KLHL1: variants seen among roughly 807,000 people sequenced by gnomAD.
KLHL1 encodes kelch-like protein 1.
KLHL1 carries 47 observed loss-of-function variants against 77.7 expected under a neutral mutation model. The observed-to-expected ratio is 0.60, with a 90% CI of 0.48 to 0.77. The LOEUF (loss-of-function observed/expected upper bound fraction) is 0.77. KLHL1 is among the 30% of genes least tolerant of loss of function. The probability of loss-of-function intolerance (pLI) is 0.00; values close to 1 mark genes in which losing one functional copy is unlikely to be tolerated. For missense variants in KLHL1, 925 were observed against 910.8 expected (o/e 1.02, Z -0.20); for synonymous variants, 360 against 325.2 (o/e 1.11, Z -1.15).
chr13:69,820,555 G>A (rs564589979), intron 6 of KLHL1, among the ~76,000 whole-genome samples: 29 of 152,268 alleles, frequency 1.9e-4, no homozygotes, highest in Admixed American at 3.3e-4. Flanking sequence ...AGGCATAAGC[G>A]TAATATAAAA....
intron 5 of KLHL1, among the ~76,000 whole-genome samples, chr13:69,870,816 C>T (rs558880067): frequency 9.9e-5 from 15 of 151,808 alleles, no homozygotes; most frequent in African/African-American, 2.2e-4. Context: ...ACTCTATGTC[C>T]GGCACCTGGG....
Position 69,800,762 on chromosome 13 carries a change from T to A in KLHL1, c.1415-3800A>T, listed in dbSNP as rs1243765147. ...GTTTCTAAGACTGTATGTATTTCCC[T>A]GGGTATTTTCTGAGTCAGAAGAAAA... On this transcript the variant is annotated intron_variant, in intron 6 of 10. Transcript: ENST00000377844. Among the ~76,000 whole-genome samples, 3 of 152,170 alleles carry A rather than the reference T, an allele frequency of 2.0e-5. No homozygotes were observed. In the South Asian group the frequency reaches 6.2e-4, roughly 31 times the overall value.
intron 1 of KLHL1, among the ~76,000 whole-genome samples, chr13:70,073,210 A>G (rs1340895153): frequency 6.6e-6 from 1 of 152,178 alleles, no homozygotes; most frequent in Admixed American, 6.5e-5. Context: ...CATATACACC[A>G]TAGAATACTA....
chr13:69,917,847 A>G (rs1882498181), intron 4 of KLHL1, among the ~76,000 whole-genome samples: 1 of 152,082 alleles, frequency 6.6e-6, no homozygotes, highest in Non-Finnish European at 1.5e-5. Flanking sequence ...AAAACACTGT[A>G]TTTTCATTCA....
At position 69,796,749 on chromosome 13, in the gene KLHL1, C is replaced by G; in HGVS notation, c.1628G>C (p.Arg543Thr). 1 of 1,608,686 alleles carries G rather than the reference C, an allele frequency of 6.2e-7. No individual in the cohort carries two copies. The highest frequency in any genetic ancestry group is 8.5e-7 in the Non-Finnish European group (1 of 1,175,020). The change falls in exon 7 of 11, where the codon AGA (arginine) becomes ACA (threonine). Residue 543 changes from arginine (R) to threonine (T), a missense_variant. By Grantham distance (71) the Arg-to-Thr change is moderately conservative (BLOSUM62 -1). Transcript: ENST00000377844. ...AAGTAAGATCTTACCTAGACCATGT[C>G]TGTGTGTTGACATTGGTGGTAAGAC... ...WTVLPPMSTH[R>T]HGLGVTVLEG...
rs565997244 is a variant in KLHL1, at chr13:69,944,519, C to T, written c.818-4283G>A. Among the ~76,000 whole-genome samples the T allele has an allele frequency of 5.3e-5, 8 of 152,248 alleles. No homozygotes were observed. In the South Asian group the frequency reaches 1.0e-3, roughly 20 times the overall value. On this transcript the variant is annotated intron_variant, in intron 3 of 10. Transcript: ENST00000377844. ...TATCCCAGTTCATCACTGAACGGGG[C>T]GTTAGTCTTGGGGATCACCCAACAT...
At chr13:69,760,362 A>ATTG (rs1157843690) in intron 7 of KLHL1, among the ~76,000 whole-genome samples, 5 of 151,546 alleles carry the variant, frequency 3.3e-5, no homozygotes, top group Non-Finnish European at 7.4e-5. Context: ...TATTATTATT[A>ATTG]TTATTATTTT....
chr13:69,914,325 G>T (rs953499501), intron 4 of KLHL1, among the ~76,000 whole-genome samples: 1 of 152,014 alleles, frequency 6.6e-6, no homozygotes, highest in Non-Finnish European at 1.5e-5. Context: ...TCTAAATTAT[G>T]GTATATAACT....
At chr13:69,915,856 C>T (rs1353676897) in intron 4 of KLHL1, among the ~76,000 whole-genome samples, 6 of 151,750 alleles carry the variant, frequency 4.0e-5, no homozygotes, top group Non-Finnish European at 5.9e-5. Context: ...TGACAAAGGG[C>T]TAATATCCAG....
intron 10 of KLHL1, among the ~76,000 whole-genome samples, chr13:69,702,378 CAA>C (rs1205696565): frequency 7.9e-5 from 12 of 151,526 alleles, no homozygotes; most frequent in Admixed American, 4.6e-4. Flanking sequence ...ATATTAAAAA[CAA>C]TAATTTTTAC....
chr13:69,756,222 G>T (rs540535213), intron 7 of KLHL1, among the ~76,000 whole-genome samples: 1 of 152,248 alleles, frequency 6.6e-6, no homozygotes, highest in Admixed American at 6.5e-5. Flanking sequence ...ATATGTTGAG[G>T]TTGGATAACT....
intron 2 of KLHL1, among the ~76,000 whole-genome samples, chr13:69,973,017 G>C (rs1884436301): frequency 6.6e-6 from 1 of 151,876 alleles, no homozygotes; most frequent in African/African-American, 2.4e-5. Flanking sequence ...TTGTGAGAAA[G>C]TGATATTCCT....
chr13:69,711,727 G>A (rs547535941), intron 9 of KLHL1, among the ~76,000 whole-genome samples: 5 of 152,096 alleles, frequency 3.3e-5, no homozygotes, highest in East Asian at 3.9e-4. Context: ...ATTAGCAATG[G>A]GATTTCTGGG....
In KLHL1 at chr13:69,893,523, A is replaced by C. The variant is rs896506066; in HGVS notation, c.1015-11028T>G. Among the ~76,000 whole-genome samples the C allele has an allele frequency of 2.6e-5, 4 of 152,176 alleles. No homozygotes were observed. In the East Asian group the frequency reaches 5.8e-4, roughly 22 times the overall value. On this transcript the variant is annotated intron_variant, in intron 4 of 10. Coordinates refer to ENST00000377844, the MANE Select transcript of KLHL1 (RefSeq NM_020866.3). ...TGCTGGGATTACAGGCGTGAGCTAC[A>C]TAAATTTTTAAGAAATATTTCTCGA... is the stretch of plus-strand genomic sequence containing the variant.
intron 1 of KLHL1, among the ~76,000 whole-genome samples, chr13:70,080,291 A>G (rs1467856717): frequency 6.6e-6 from 1 of 152,228 alleles, no homozygotes; most frequent in Admixed American, 6.5e-5. Context: ...GCAAGGGCTC[A>G]GAGAGTGCAG....
intron 5 of KLHL1, among the ~76,000 whole-genome samples, chr13:69,880,048 G>T (rs1880927360): frequency 6.6e-6 from 1 of 152,112 alleles, no homozygotes; most frequent in Admixed American, 6.6e-5. Flanking sequence ...TGATCTTCCA[G>T]GTTAGAGAGC....
chr13:69,962,559 C>T (rs1884097453), intron 2 of KLHL1, among the ~76,000 whole-genome samples: 1 of 151,882 alleles, frequency 6.6e-6, no homozygotes, highest in Admixed American at 6.6e-5. Context: ...CAGTATGATG[C>T]CTGCTGAATA....
intron 5 of KLHL1, among the ~76,000 whole-genome samples, chr13:69,849,294 T>G (rs1879593545): frequency 6.6e-6 from 1 of 151,586 alleles, no homozygotes; most frequent in Non-Finnish European, 1.5e-5. Flanking sequence ...TGTTATTGTT[T>G]GTAAGACATT....
chr13:69,968,446 C>A (rs1015417154), intron 2 of KLHL1, among the ~76,000 whole-genome samples: 1 of 148,734 alleles, frequency 6.7e-6, no homozygotes, highest in Non-Finnish European at 1.5e-5. Flanking sequence ...GTCTAGAATC[C>A]AACCTGCAAT....
Sources: gnomAD v4.1 joint callset for allele counts (sites outside exome capture counted in the v4.1 genomes callset) on GRCh38, gnomAD v4.1.1 for gene constraint, MANE v1.5 for transcripts, NCBI Gene and HGNC (gene_info 2026-07-23, HGNC 2026-07-21) for gene names.